Variants in SLC12A6 observed in about 807,000 individuals in gnomAD.
SLC12A6 encodes the protein K-Cl cotransporter 3.
In SLC12A6, 66 loss-of-function variants were observed where a neutral mutation model predicts 135.3. The ratio of observed to expected loss-of-function variants is 0.49; its 90% CI spans 0.40 to 0.60. The LOEUF is 0.60. SLC12A6 is among the 20% of genes least tolerant of loss of function. SLC12A6 has a pLI of 0.00. For missense variants in SLC12A6, 1,058 were observed against 1,452.3 expected (o/e 0.73, Z 4.41); for synonymous variants, 513 against 508.8 (o/e 1.01, Z -0.11).
At chr15:34,337,017 G>A (rs1890245042) in intron 1 of SLC12A6, 2 of 374,696 alleles carry the variant, frequency 5.3e-6, no homozygotes, top group South Asian at 2.2e-5. Flanking sequence ...AAGGCTCAGT[G>A]CCATGGTCTC....
At chr15:34,241,611 T>C (rs1891650142) in intron 17 of SLC12A6, among the ~76,000 whole-genome samples, 2 of 152,206 alleles carry the variant, frequency 1.3e-5, no homozygotes, top group African/African-American at 4.8e-5. Flanking sequence ...AACAATAATG[T>C]AAAAGAGCAA....
chr15:34,296,624 T>C (rs188769701), intron 2 of SLC12A6, among the ~76,000 whole-genome samples: 1 of 152,118 alleles, frequency 6.6e-6, no homozygotes, highest in Non-Finnish European at 1.5e-5. Flanking sequence ...ATAGTCAGAG[T>C]AGGTATCTGG....
At chr15:34,262,366 T>C (rs1214803384) in intron 3 of SLC12A6, among the ~76,000 whole-genome samples, 1 of 152,072 alleles carries the variant, frequency 6.6e-6, no homozygotes, top group Non-Finnish European at 1.5e-5. Context: ...GCATGCCCTC[T>C]CCACTGAGAA....
chr15:34,309,076 A>T lies in SLC12A6; in HGVS notation c.271+27334T>A, dbSNP rs566769581. ...GTCCTGATTGTTGTGAGGATTAAAT[A>T]AGCCACAAACCAGTGCCTGGTTTGA... On this transcript the variant is annotated intron_variant, in intron 2 of 25. Transcript: ENST00000354181. 2.6e-5 allele frequency among the ~76,000 whole-genome samples: 4 copies of T among 152,302 alleles called. No individual in the cohort carries two copies. The East Asian group carries it at 7.7e-4, about 29-fold the overall frequency.
At position 34,250,993 on chromosome 15, in the gene SLC12A6, A is replaced by G; in HGVS notation, c.1398T>C (p.Ser466=). 1.9e-6 allele frequency: 3 copies of G among 1,611,004 alleles called. No homozygotes were observed. In the South Asian group the frequency reaches 3.3e-5, roughly 18 times the overall value. ...EIIEKPSAKS[S]DVLGSLNHEY... Reference sequence around the variant, plus strand: ...CATGGTTTAAGCTGCCTAAGACATCAGAAGATTTGGCTGAAGGCTTTTCGA... The same window carrying G: ...CATGGTTTAAGCTGCCTAAGACATCGGAAGATTTGGCTGAAGGCTTTTCGA... The change falls in exon 11 of 26, where the codon TCT becomes TCC. Residue 466 remains serine (S), a synonymous_variant. Coordinates refer to ENST00000354181, the MANE Select transcript of SLC12A6 (RefSeq NM_001365088.1).
chr15:34,276,040 G>A (rs1894276307), intron 2 of SLC12A6, among the ~76,000 whole-genome samples: 2 of 151,996 alleles, frequency 1.3e-5, no homozygotes, highest in Admixed American at 1.3e-4. Flanking sequence ...TAGTGGTAAT[G>A]GGTGTACAAC....
rs1890270681 is a variant in SLC12A6 at position 34,337,404 on chromosome 15, G to C, written c.-145C>G. On this transcript the variant is annotated 5_prime_UTR_variant, in exon 1 of 26. Coordinates refer to ENST00000354181, the MANE Select transcript of SLC12A6 (RefSeq NM_001365088.1). ...TTCCTGTCTCCGAGAGGTCGGTGGG[G>C]GTGGCGCGCCCGCTCTTCTCCTAGC... is the stretch of plus-strand genomic sequence containing the variant. The C allele has an allele frequency of 6.5e-6, 1 of 153,826 alleles. No individual in the cohort carries two copies. The highest frequency in any genetic ancestry group is 1.4e-5 in the Non-Finnish European group (1 of 69,084). 9.5% of individuals were successfully genotyped at this position (153,826 alleles called of 1,614,324 possible).
intron 9 of SLC12A6, among the ~76,000 whole-genome samples, chr15:34,254,049 A>G (rs1892576446): frequency 6.6e-6 from 1 of 152,190 alleles, no homozygotes. Context: ...TGAATAGTTC[A>G]AAATGTGTAT....
intron 3 of SLC12A6, among the ~76,000 whole-genome samples, chr15:34,271,099 C>A (rs1433230642): frequency 2.0e-5 from 3 of 152,152 alleles, no homozygotes; most frequent in Admixed American, 2.0e-4. Flanking sequence ...AATTACAAGT[C>A]AAGATGAGTG....
chr15:34,311,858 T>C (rs1366192649), intron 2 of SLC12A6, among the ~76,000 whole-genome samples: 3 of 140,668 alleles, frequency 2.1e-5, no homozygotes, highest in African/African-American at 8.9e-5. Flanking sequence ...TATTGTTCTT[T>C]TTATCATTGC....
At chr15:34,291,495 G>A (rs75117567) in intron 2 of SLC12A6, among the ~76,000 whole-genome samples, 1 of 152,170 alleles carries the variant, frequency 6.6e-6, no homozygotes, top group East Asian at 1.9e-4. Context: ...TCTTTGCGGT[G>A]TTCTCTGTAT....
Position 34,250,654 on chromosome 15 carries a change from G to T in SLC12A6, c.1568C>A (p.Ala523Asp). 1 of 1,594,508 alleles carries T rather than the reference G, an allele frequency of 6.3e-7. No individual in the cohort carries two copies. The highest frequency in any genetic ancestry group is 8.6e-7 in the Non-Finnish European group (1 of 1,162,216). Residue 523 changes from alanine (A) to aspartate (D), a missense_variant, in exon 12 of 26, where the codon GCC becomes GAC. Physicochemically the swap from Ala to Asp is moderately radical, Grantham distance 126. Around this residue, in one of 6 missense-constraint regions of SLC12A6, gnomAD observed 297 missense variants for 318.5 expected, o/e 0.93. Transcript: ENST00000354181. ...QKSIPIGTIL[A>D]ILTTSFVYLS... ...ACAAACAAAGGAGGTGGTCAGGATG[G>T]CAAGGATAGTACCAATCGGAATAGA...
rs1190749827 is a variant in SLC12A6 at position 34,314,111 on chromosome 15, G to A, written c.271+22299C>T. 2.0e-5 allele frequency among the ~76,000 whole-genome samples: 3 copies of A among 148,986 alleles called. No homozygotes were observed. In the Admixed American group the frequency reaches 2.0e-4, roughly 10 times the overall value. ...TGCTTAGGCTGGAGTGCAGTGGCCCGATCTCAGCTCACTGCAACCTCCGCC... is the reference window on the plus strand; with the variant it reads ...TGCTTAGGCTGGAGTGCAGTGGCCCAATCTCAGCTCACTGCAACCTCCGCC... On this transcript the variant is annotated intron_variant, in intron 2 of 25. Transcript: ENST00000354181.
intron 3 of SLC12A6, among the ~76,000 whole-genome samples, chr15:34,271,971 CTT>C (rs923211059): frequency 6.6e-6 from 1 of 151,324 alleles, no homozygotes; most frequent in African/African-American, 2.4e-5. Flanking sequence ...TTTTCTTTTT[CTT>C]TTTTTGTTTT....
chr15:34,304,823 A>G lies in SLC12A6; in HGVS notation c.272-29434T>C, dbSNP rs189542361. On this transcript the variant is annotated intron_variant, in intron 2 of 25. Transcript: ENST00000354181. ...GTTAAAAACCTTACTTAGCATTTAC[A>G]TAATACATTCCCAAAGAGTCTGTCA... Among the ~76,000 whole-genome samples the G allele has an allele frequency of 1.1e-3, 166 of 152,352 alleles. 1 individual carries two copies. Among genetic ancestry groups the G allele is most frequent in the Non-Finnish European group, 1.2e-3 (80 of 68,036 alleles).
chr15:34,288,597 T>C (rs1233226782), intron 2 of SLC12A6, among the ~76,000 whole-genome samples: 1 of 152,254 alleles, frequency 6.6e-6, no homozygotes, highest in African/African-American at 2.4e-5. Flanking sequence ...TTCATTATAT[T>C]GATTCTTCCT....
intron 9 of SLC12A6, among the ~76,000 whole-genome samples, chr15:34,253,480 A>G (rs1310929388): frequency 6.6e-6 from 1 of 152,202 alleles, no homozygotes; most frequent in Non-Finnish European, 1.5e-5. Flanking sequence ...TTTAAGATGG[A>G]ATCTACTTCT....
Position 34,236,295 on chromosome 15 carries a change from AC to A in SLC12A6, c.3043-97del, listed in dbSNP as rs1300018781. 4.6e-6 allele frequency: 4 copies of A among 873,518 alleles called. No individual in the cohort carries two copies. In the South Asian group the frequency reaches 5.5e-5, roughly 12 times the overall value. The allele number at this position is 873,518 out of a possible 1,614,324, so 54.1% of individuals were successfully genotyped here. A position where few individuals can be genotyped will look rare whatever the true frequency, so the allele number is the denominator to read the frequency against. ...AGCAGTAATGGGTTATAGTGGAATA[AC>A]TGACAGAGTGAGAAGGAATTTGTCA... is the stretch of plus-strand genomic sequence containing the variant. On this transcript the variant is annotated intron_variant, in intron 23 of 25. Coordinates refer to ENST00000354181, the MANE Select transcript of SLC12A6 (RefSeq NM_001365088.1).
rs370678714 is a variant in SLC12A6, at chr15:34,278,781, G to A, written c.272-3392C>T. On this transcript the variant is annotated intron_variant, in intron 2 of 25. Coordinates refer to ENST00000354181, the MANE Select transcript of SLC12A6 (RefSeq NM_001365088.1). ...AGTTGGGGTTTCACCATGTTGGCCA[G>A]ACTGGTCTTGAACTCCTGACCTCAT... Among the ~76,000 whole-genome samples, 14 of 151,968 alleles carry A rather than the reference G, an allele frequency of 9.2e-5. No individual in the cohort carries two copies. In the South Asian group the frequency reaches 1.5e-3, roughly 16 times the overall value.
Sources: gnomAD v4.1 joint callset for allele counts (sites outside exome capture counted in the v4.1 genomes callset) on GRCh38, gnomAD v4.1.1 for gene constraint, gnomAD v4.1.1 regional missense constraint, MANE v1.5 for transcripts, NCBI Gene and HGNC (gene_info 2026-07-23, HGNC 2026-07-21) for gene names.